The following TDRD7 variants were observed in gnomAD, a reference collection of about 807,000 sequenced individuals.
The protein encoded by TDRD7 is tudor domain containing 7.
Under a neutral mutation model 109.8 loss-of-function variants are expected in TDRD7, and 47 were observed. That is an observed-to-expected ratio of 0.43 (90% CI 0.34 to 0.55). The LOEUF (loss-of-function observed/expected upper bound fraction) is 0.55, where lower values mean the gene tolerates loss of function less well. Among genes scored for constraint, TDRD7 ranks in the 20% least tolerant of loss-of-function variants. TDRD7 has a pLI of 0.03. For missense variants in TDRD7, 1,164 were observed against 1,319.2 expected (o/e 0.88, Z 1.82); for synonymous variants, 424 against 457.3 (o/e 0.93, Z 0.93).
intron 6 of TDRD7, among the ~76,000 whole-genome samples, chr9:97,447,966 C>A (rs140222246): frequency 3.6e-4 from 55 of 152,218 alleles, no homozygotes; most frequent in Admixed American, 7.9e-4. Context: ...AAAGGTCTTT[C>A]CTAGTTAAAG....
chr9:97,461,033 C>T lies in TDRD7; in HGVS notation c.1442+269C>T, dbSNP rs192493596. Among the ~76,000 whole-genome samples, 1,248 of 151,460 alleles carry T rather than the reference C, an allele frequency of 8.2e-3. 43 individuals are homozygous for T. In the East Asian group the frequency reaches 0.11, roughly 13 times the overall value. ...GCGGGTGCCTGTAGTCCCAGCTACT[C>T]GGGAGGCTGAGGCAAGAGAATGGTG... On this transcript the variant is annotated intron_variant, in intron 7 of 16. Transcript: ENST00000355295.
chr9:97,487,790 C>T (rs1005892111), intron 16 of TDRD7, among the ~76,000 whole-genome samples: 4 of 151,826 alleles, frequency 2.6e-5, no homozygotes, highest in African/African-American at 4.8e-5. Context: ...CTAGCTAAAA[C>T]GAACCAAAAA....
chr9:97,420,902 G>A (rs1827888436), intron 1 of TDRD7, among the ~76,000 whole-genome samples: 1 of 152,134 alleles, frequency 6.6e-6, no homozygotes, highest in Non-Finnish European at 1.5e-5. Flanking sequence ...GAAGGCCAGG[G>A]CGGGTGGATC....
chr9:97,416,858 G>T (rs546785640), intron 1 of TDRD7, among the ~76,000 whole-genome samples: 2 of 133,858 alleles, frequency 1.5e-5, no homozygotes, highest in East Asian at 4.4e-4. Context: ...AGGCACTAGG[G>T]ATTCAGCAAT....
At position 97,480,932 on chromosome 9, in the gene TDRD7, C is replaced by A. The variant is rs769237140; in HGVS notation, c.2406C>A (p.Ser802Arg). The A allele has an allele frequency of 6.2e-7, 1 of 1,613,380 alleles. No homozygotes were observed. The highest frequency in any genetic ancestry group is 1.7e-5 in the Admixed American group (1 of 59,990). ...RDSVLNCSDCSIKVTKVDETR... is the reference protein window; with the variant it reads ...RDSVLNCSDCRIKVTKVDETR... The stretch of plus-strand genomic sequence containing the variant: ...CTGTTTTGAATTGCTCGGACTGTAG[C>A]ATTAAGGTTAGCTATCTTGTTGGGC... The change falls in exon 14 of 17, where the codon AGC becomes AGA. Residue 802 changes from serine to arginine, a missense_variant. Ser to Arg is a moderately radical substitution (Grantham distance 110). Around this residue, in one of 5 missense-constraint regions of TDRD7, gnomAD observed 233 missense variants for 218.0 expected, o/e 1.07. Coordinates refer to ENST00000355295, the MANE Select transcript of TDRD7 (RefSeq NM_014290.3).
At chr9:97,461,670 G>A (rs938725910) in intron 7 of TDRD7, among the ~76,000 whole-genome samples, 8 of 152,206 alleles carry the variant, frequency 5.3e-5, no homozygotes, top group Non-Finnish European at 1.2e-4. Flanking sequence ...ATAATTTGCA[G>A]TCTCCATTTG....
chr9:97,459,943 G>A (rs939115270), intron 6 of TDRD7, among the ~76,000 whole-genome samples: 2 of 152,160 alleles, frequency 1.3e-5, no homozygotes, highest in African/African-American at 2.4e-5. Flanking sequence ...CTGGAGTCTC[G>A]ATGCCGCACA....
intron 4 of TDRD7, among the ~76,000 whole-genome samples, chr9:97,433,499 A>G (rs1828140708): frequency 6.6e-6 from 1 of 152,066 alleles, no homozygotes; most frequent in East Asian, 1.9e-4. Flanking sequence ...ACGGGCAACA[A>G]AAGCAAAAAT....
chr9:97,439,398 G>A (rs1828259040), intron 5 of TDRD7, 80 bp downstream of exon 5: 3 of 1,147,988 alleles, frequency 2.6e-6, no homozygotes, highest in Non-Finnish European at 3.9e-6. Context: ...TTTGACATTT[G>A]CTCTCACCTT....
rs781104783 is a variant in TDRD7 at position 97,483,175 on chromosome 9, C to T, written c.2739C>T (p.His913=). The change falls in exon 15 of 17, where the codon CAC becomes CAT. Residue 913 remains histidine (H), a synonymous_variant. Coordinates refer to ENST00000355295, the MANE Select transcript of TDRD7 (RefSeq NM_014290.3). ...TCCACTTATCAAAGCCAGGGGAACA[C>T]ATGGATGTGTATGTGCCTGTGGCCT... is the stretch of plus-strand genomic sequence containing the variant. ...PPVHLSKPGE[H]MDVYVPVACH... is the part of the protein sequence containing the mutation. 9 of 1,614,196 alleles carry T rather than the reference C, an allele frequency of 5.6e-6. No individual in the cohort carries two copies. The highest frequency in any genetic ancestry group is 6.8e-6 in the Non-Finnish European group (8 of 1,180,024).
chr9:97,418,317 A>G (rs1827843737), intron 1 of TDRD7, among the ~76,000 whole-genome samples: 1 of 152,212 alleles, frequency 6.6e-6, no homozygotes, highest in African/African-American at 2.4e-5. Context: ...GCAGATTCAC[A>G]CTGGTATTTT....
At chr9:97,458,330 G>A (rs2131146568) in intron 6 of TDRD7, among the ~76,000 whole-genome samples, 1 of 152,136 alleles carries the variant, frequency 6.6e-6, no homozygotes, top group South Asian at 2.1e-4. Context: ...TTATCCATTG[G>A]CTCCGAAAGT....
At position 97,478,434 on chromosome 9, in the gene TDRD7, T is replaced by G; in HGVS notation, c.2167-5T>G. The G allele has an allele frequency of 6.2e-7, 1 of 1,614,018 alleles. No homozygotes were observed. Among genetic ancestry groups the G allele is most frequent in the Non-Finnish European group, 8.5e-7 (1 of 1,179,956 alleles). ...ATAAATGAGCCAACACTTATCTCATTTCAGATCACAAATGTTCACAGCAGC... is the reference window on the plus strand; with the variant it reads ...ATAAATGAGCCAACACTTATCTCATGTCAGATCACAAATGTTCACAGCAGC... On this transcript the variant is annotated splice_polypyrimidine_tract_variant and splice_region_variant and intron_variant, in intron 12 of 16. Transcript: ENST00000355295.
At chr9:97,427,572 T>A (rs898776745) in intron 1 of TDRD7, among the ~76,000 whole-genome samples, 3 of 152,198 alleles carry the variant, frequency 2.0e-5, no homozygotes, top group African/African-American at 4.8e-5. Context: ...CTATAAGCAT[T>A]CCAACTTCTC....
intron 8 of TDRD7, among the ~76,000 whole-genome samples, chr9:97,467,407 A>C (rs1217622947): frequency 6.6e-6 from 1 of 152,206 alleles, no homozygotes. Flanking sequence ...ACTGAGTCTC[A>C]GCTTTGCCAT....
intron 8 of TDRD7, among the ~76,000 whole-genome samples, chr9:97,466,921 A>C (rs1225853032): frequency 6.6e-6 from 1 of 152,234 alleles, no homozygotes; most frequent in Non-Finnish European, 1.5e-5. Context: ...TATTGTAAAC[A>C]GGTATCTTTT....
At chr9:97,437,579 A>C (rs1286272048) in intron 4 of TDRD7, among the ~76,000 whole-genome samples, 1 of 152,220 alleles carries the variant, frequency 6.6e-6, no homozygotes, top group African/African-American at 2.4e-5. Context: ...AAGGCTGTGA[A>C]TACCTGGAGG....
intron 5 of TDRD7, among the ~76,000 whole-genome samples, chr9:97,440,843 A>G (rs1040182046): frequency 1.3e-5 from 2 of 152,366 alleles, no homozygotes; most frequent in East Asian, 1.9e-4. Flanking sequence ...GAGATTTGGA[A>G]TAAATTTCAT....
At chr9:97,482,744 G>C (rs1474020299) in intron 14 of TDRD7, 105 bp from the exon 15 acceptor site, 3 of 1,245,738 alleles carry the variant, frequency 2.4e-6, no homozygotes, top group Non-Finnish European at 3.4e-6. Context: ...TTTTAGCAAG[G>C]GTTTTGGCAA....
Sources: gnomAD v4.1 joint callset for allele counts (sites outside exome capture counted in the v4.1 genomes callset) on GRCh38, gnomAD v4.1.1 for gene constraint, gnomAD v4.1.1 regional missense constraint, MANE v1.5 for transcripts, NCBI Gene and HGNC (gene_info 2026-07-23, HGNC 2026-07-21) for gene names.